The following SCHIP1 variants were observed in gnomAD, a reference collection of about 807,000 sequenced individuals.
SCHIP1 encodes the protein schwannomin interacting protein 1, also known as schwannomin-interacting protein 1.
SCHIP1 carries 8 observed loss-of-function variants against 29.7 expected under a neutral mutation model. The ratio of observed to expected loss-of-function variants is 0.27; its 90% confidence interval spans 0.16 to 0.49. SCHIP1 has a LOEUF of 0.49. Ranked by LOEUF, SCHIP1 falls within the 20% of genes least tolerant of loss-of-function variation. SCHIP1 has a pLI of 0.99. For synonymous variants in SCHIP1, 76 were observed against 94.9 expected (o/e 0.80, Z 1.16); for missense variants, 193 against 294.6 (o/e 0.66, Z 2.52).
At chr3:159,484,807 CATT>C in the SCHIP1 span, among the ~76,000 whole-genome samples, 2 of 152,184 alleles carry the variant, frequency 1.3e-5, no homozygotes, top group Admixed American at 6.6e-5. Flanking sequence ...AGAATCCCAT[CATT>C]GTTTTCTGTC....
At chr3:159,885,414 G>C (rs1577492133) in intron 2 of SCHIP1, among the ~76,000 whole-genome samples, 1 of 152,246 alleles carries the variant, frequency 6.6e-6, no homozygotes, top group Admixed American at 6.5e-5. Flanking sequence ...AAAGTTGGCT[G>C]TGCAGCCTGG....
At chr3:159,683,910 TG>T in the SCHIP1 span, among the ~76,000 whole-genome samples, 3,669 of 152,234 alleles carry the variant, frequency 0.024, 70 homozygotes, top group African/African-American at 0.052. Context: ...GTTTCCTTTG[TG>T]TAAAACTTCT....
At chr3:159,439,768 T>C in the SCHIP1 span, among the ~76,000 whole-genome samples, 4 of 152,174 alleles carry the variant, frequency 2.6e-5, no homozygotes, top group Non-Finnish European at 4.4e-5. Context: ...TCCTAATAGA[T>C]GCTGGATATT....
At chr3:159,719,726 T>C in the SCHIP1 span, among the ~76,000 whole-genome samples, 1 of 152,134 alleles carries the variant, frequency 6.6e-6, no homozygotes, top group African/African-American at 2.4e-5. Context: ...ATTAAAAAGT[T>C]AGGAAACAAT....
At chr3:159,601,430 A>AG in the SCHIP1 span, among the ~76,000 whole-genome samples, 1 of 152,210 alleles carries the variant, frequency 6.6e-6, no homozygotes, top group Non-Finnish European at 1.5e-5. Flanking sequence ...CAGAGACCAT[A>AG]CTGCCAGTTA....
At chr3:159,702,644 A>T in the SCHIP1 span, among the ~76,000 whole-genome samples, 49 of 152,366 alleles carry the variant, frequency 3.2e-4, 1 homozygote, top group Middle Eastern at 3.4e-3. Flanking sequence ...TGCGCTCTGA[A>T]AATAACTTGT....
the SCHIP1 span, among the ~76,000 whole-genome samples, chr3:159,440,169 CA>C: frequency 6.6e-6 from 1 of 152,072 alleles, no homozygotes; most frequent in African/African-American, 2.4e-5. Flanking sequence ...ATCCTTTTCC[CA>C]TTGTTTATTT....
the SCHIP1 span, among the ~76,000 whole-genome samples, chr3:159,563,189 G>A: frequency 6.6e-6 from 1 of 152,166 alleles, no homozygotes; most frequent in African/African-American, 2.4e-5. Context: ...AAAGCTTGAA[G>A]ATCAGACCCC....
the SCHIP1 span, among the ~76,000 whole-genome samples, chr3:159,592,775 G>A: frequency 6.6e-6 from 1 of 152,030 alleles, no homozygotes; most frequent in Non-Finnish European, 1.5e-5. Context: ...CTTGTGCAAT[G>A]CACAATACAC....
the SCHIP1 span, among the ~76,000 whole-genome samples, chr3:159,310,806 C>T: frequency 6.6e-6 from 1 of 152,104 alleles, no homozygotes; most frequent in Non-Finnish European, 1.5e-5. Flanking sequence ...AGGTTAATGA[C>T]ATTTTTTACA....
chr3:159,453,430 C>T, the SCHIP1 span, among the ~76,000 whole-genome samples: 3 of 152,204 alleles, frequency 2.0e-5, no homozygotes, highest in Non-Finnish European at 4.4e-5. Flanking sequence ...CAGTTGGTTT[C>T]TGTCCTGAAC....
chr3:159,287,704 T>G, the SCHIP1 span, among the ~76,000 whole-genome samples: 5 of 152,172 alleles, frequency 3.3e-5, no homozygotes, highest in African/African-American at 4.8e-5. Context: ...GGAACTGTAA[T>G]TATTCTCATT....
the SCHIP1 span, among the ~76,000 whole-genome samples, chr3:159,316,952 T>C: frequency 1.3e-5 from 2 of 152,230 alleles, no homozygotes; most frequent in African/African-American, 4.8e-5. Flanking sequence ...ACTACCTTCT[T>C]CTACTACCCA....
the SCHIP1 span, among the ~76,000 whole-genome samples, chr3:159,595,977 C>T: frequency 1.3e-5 from 2 of 152,280 alleles, no homozygotes; most frequent in South Asian, 4.1e-4. Flanking sequence ...TAAAGAGCTT[C>T]TGCACAGCAA....
chr3:159,499,374 AT>A, the SCHIP1 span, among the ~76,000 whole-genome samples: 1 of 152,198 alleles, frequency 6.6e-6, no homozygotes, highest in Admixed American at 6.5e-5. Flanking sequence ...CGCCTAAGGT[AT>A]GGTAGGCTTT....
At chr3:159,620,620 C>A in the SCHIP1 span, among the ~76,000 whole-genome samples, 1 of 152,186 alleles carries the variant, frequency 6.6e-6, no homozygotes, top group Non-Finnish European at 1.5e-5. Context: ...ATACACTTTG[C>A]AGAACATTGT....
chr3:159,549,470 C>T, the SCHIP1 span, among the ~76,000 whole-genome samples: 1 of 151,992 alleles, frequency 6.6e-6, no homozygotes, highest in Non-Finnish European at 1.5e-5. Context: ...AGGGTGAGGC[C>T]CTTTCTGATA....
the SCHIP1 span, among the ~76,000 whole-genome samples, chr3:159,661,390 A>G: frequency 6.6e-6 from 1 of 152,198 alleles, no homozygotes; most frequent in Non-Finnish European, 1.5e-5. Context: ...CCATTCCCAA[A>G]TCAAATAATA....
chr3:159,856,221 G>A (rs1308027525), intron 1 of SCHIP1, among the ~76,000 whole-genome samples: 4 of 152,104 alleles, frequency 2.6e-5, no homozygotes, highest in African/African-American at 9.7e-5. Context: ...TTTTCCAAGA[G>A]CCCTCTCATG....
Sources: gnomAD v4.1 joint callset for allele counts (sites outside exome capture counted in the v4.1 genomes callset) on GRCh38, gnomAD v4.1.1 for gene constraint, MANE v1.5 for transcripts, NCBI Gene and HGNC (gene_info 2026-07-23, HGNC 2026-07-21) for gene names.